The following THSD4 variants were observed in gnomAD, a reference collection of about 807,000 sequenced individuals.
The protein encoded by THSD4 is thrombospondin type-1 domain-containing protein 4.
In THSD4, 69 loss-of-function variants were observed where a neutral mutation model predicts 119.0. That is an observed-to-expected ratio of 0.58 (90% CI 0.48 to 0.71). The LOEUF is 0.71. Among genes scored for constraint, THSD4 ranks in the 30% least tolerant of loss-of-function variants. The pLI is 0.00. For missense variants in THSD4, 1,393 were observed against 1,391.1 expected (o/e 1.00, Z -0.02); for synonymous variants, 524 against 540.4 (o/e 0.97, Z 0.42).
intron 6 of THSD4, among the ~76,000 whole-genome samples, chr15:71,299,988 T>C (rs1437348048): frequency 1.4e-5 from 2 of 140,150 alleles, no homozygotes; most frequent in Non-Finnish European, 3.1e-5. Context: ...TATATATATA[T>C]ATATATATAT....
At chr15:71,683,220 C>A (rs142868809) in intron 8 of THSD4, among the ~76,000 whole-genome samples, 1 of 152,142 alleles carries the variant, frequency 6.6e-6, no homozygotes, top group African/African-American at 2.4e-5. Flanking sequence ...TCGCACCCAG[C>A]CTTGCTTCTT....
At chr15:71,725,536 A>T (rs1023266224) in intron 8 of THSD4, among the ~76,000 whole-genome samples, 12 of 152,306 alleles carry the variant, frequency 7.9e-5, no homozygotes. Flanking sequence ...AACAGAAATG[A>T]GCAGCCTGAG....
intron 6 of THSD4, among the ~76,000 whole-genome samples, chr15:71,299,977 ATAT>A (rs1257198798): frequency 4.0e-3 from 130 of 32,430 alleles, no homozygotes; most frequent in Non-Finnish European, 5.3e-3. Flanking sequence ...AAAAAAAAAA[ATAT>A]ATATATATAT....
At chr15:71,217,462 C>T (rs2043942869) in intron 4 of THSD4, among the ~76,000 whole-genome samples, 1 of 151,884 alleles carries the variant, frequency 6.6e-6, no homozygotes, top group African/African-American at 2.4e-5. Context: ...ACTAAAAATA[C>T]ACACACAAAA....
chr15:71,360,190 C>T (rs1274576389), intron 6 of THSD4, among the ~76,000 whole-genome samples: 1 of 152,044 alleles, frequency 6.6e-6, no homozygotes, highest in Non-Finnish European at 1.5e-5. Context: ...TGAGGAAGCT[C>T]GTGTTGTGTT....
intron 1 of THSD4, among the ~76,000 whole-genome samples, chr15:71,139,519 G>T (rs534451059): frequency 1.3e-5 from 2 of 152,294 alleles, no homozygotes; most frequent in East Asian, 3.9e-4. Flanking sequence ...GGATCTCAGT[G>T]TAATTTCTGA....
chr15:71,368,859 T>C (rs1431216467), intron 6 of THSD4, among the ~76,000 whole-genome samples: 6 of 152,250 alleles, frequency 3.9e-5, no homozygotes, highest in African/African-American at 1.4e-4. Flanking sequence ...GCACTGAGTC[T>C]ATAAATTACC....
chr15:71,290,874 CCTT>C (rs1387538879), intron 6 of THSD4, among the ~76,000 whole-genome samples: 3 of 90,834 alleles, frequency 3.3e-5, no homozygotes, highest in African/African-American at 1.2e-4. Context: ...TTCCTTTTTT[CCTT>C]TTTTTTTTTT....
chr15:71,580,335 T>C (rs2049534635), intron 7 of THSD4, among the ~76,000 whole-genome samples: 1 of 152,216 alleles, frequency 6.6e-6, no homozygotes, highest in African/African-American at 2.4e-5. Context: ...AGCTTTTCTT[T>C]TTCCAGATTT....
In THSD4 at chr15:71,242,551, G is replaced by A. The variant is rs1437295364; in HGVS notation, c.465-98G>A. The A allele has an allele frequency of 9.0e-6, 12 of 1,333,222 alleles. No individual in the cohort carries two copies. The East Asian group carries it at 9.2e-5, about 10-fold the overall frequency. The allele number at this position is 1,333,222 out of a possible 1,614,324, so 82.6% of individuals were successfully genotyped here. A position where few individuals can be genotyped will look rare whatever the true frequency, so the allele number is the denominator to read the frequency against. ...ACCATAGACCCTTTCCCAAGCTTCC[G>A]TTCCTACCTGGTCCTCTCTACCACG... On this transcript the variant is annotated intron_variant, in intron 4 of 17. Transcript: ENST00000261862.
At chr15:71,509,564 A>C (rs1567014294) in intron 7 of THSD4, among the ~76,000 whole-genome samples, 1 of 152,228 alleles carries the variant, frequency 6.6e-6, no homozygotes, top group Non-Finnish European at 1.5e-5. Context: ...CGACTTCAAG[A>C]AGCAAAGCAT....
At chr15:71,714,673 C>G (rs2052573368) in intron 8 of THSD4, among the ~76,000 whole-genome samples, 1 of 151,900 alleles carries the variant, frequency 6.6e-6, no homozygotes, top group Admixed American at 6.6e-5. Flanking sequence ...ATGGTGAAAC[C>G]CTGTCTCTCC....
At chr15:71,579,122 C>T (rs916764846) in intron 7 of THSD4, among the ~76,000 whole-genome samples, 11 of 152,078 alleles carry the variant, frequency 7.2e-5, no homozygotes, top group African/African-American at 2.7e-4. Context: ...GGATTACAGG[C>T]GTGAGTGCAT....
At chr15:71,367,274 A>G (rs2045978125) in intron 6 of THSD4, among the ~76,000 whole-genome samples, 1 of 151,628 alleles carries the variant, frequency 6.6e-6, no homozygotes, top group South Asian at 2.1e-4. Flanking sequence ...GTCTAAACTG[A>G]TTACCACTAT....
chr15:71,462,787 A>G (rs1450696122), intron 7 of THSD4, among the ~76,000 whole-genome samples: 6 of 152,238 alleles, frequency 3.9e-5, no homozygotes, highest in Non-Finnish European at 5.9e-5. Context: ...TCTCCAAACT[A>G]ACTATCTTAG....
At chr15:71,325,679 T>C (rs1176559569) in intron 6 of THSD4, among the ~76,000 whole-genome samples, 1 of 152,242 alleles carries the variant, frequency 6.6e-6, no homozygotes, top group Non-Finnish European at 1.5e-5. Context: ...ACTGACTGCT[T>C]AGGAATTTTT....
intron 16 of THSD4, among the ~76,000 whole-genome samples, chr15:71,765,779 G>A (rs1458279650): frequency 1.5e-5 from 2 of 134,734 alleles, no homozygotes; most frequent in African/African-American, 3.4e-5. Flanking sequence ...AAACACACAC[G>A]CACACACTCT....
chr15:71,496,320 G>A (rs1168279631), intron 7 of THSD4, among the ~76,000 whole-genome samples: 2 of 152,170 alleles, frequency 1.3e-5, no homozygotes, highest in Non-Finnish European at 2.9e-5. Flanking sequence ...TTATGTTACT[G>A]AGATTGAGAA....
chr15:71,486,186 T>C (rs1431307660), intron 7 of THSD4, among the ~76,000 whole-genome samples: 1 of 152,130 alleles, frequency 6.6e-6, no homozygotes, highest in African/African-American at 2.4e-5. Context: ...AGAGTTGAAG[T>C]GGTATCCATC....
Sources: allele counts gnomAD v4.1 joint callset (sites outside exome capture counted in the v4.1 genomes callset), GRCh38; gene constraint gnomAD v4.1.1; transcripts MANE v1.5; gene names NCBI Gene and HGNC (gene_info 2026-07-23, HGNC 2026-07-21).